Variants in EDA observed in about 807,000 individuals in gnomAD.
EDA encodes ectodysplasin A.
EDA carries 2 observed loss-of-function variants against 23.6 expected under a neutral mutation model. The ratio of observed to expected loss-of-function variants is 0.08; its 90% confidence interval spans 0.03 to 0.27. The LOEUF (loss-of-function observed/expected upper bound fraction) is 0.27. EDA is among the 10% of genes least tolerant of loss of function. The pLI is 1.00. For synonymous variants in EDA, 131 were observed against 132.0 expected (o/e 0.99, Z 0.05); for missense variants, 229 against 324.2 (o/e 0.71, Z 2.26).
At chrX:69,943,831 A>T (rs1281548404) in intron 1 of EDA, among the ~76,000 whole-genome samples, 1 of 109,760 alleles carries the variant, frequency 9.1e-6, no homozygotes, top group Non-Finnish European at 1.9e-5. Context: ...GTCAGGAAGC[A>T]TAGGAACCTA....
chrX:70,033,587 C>T (rs2020228426), intron 7 of EDA, 59 bp downstream of exon 7: 15 of 1,173,257 alleles, frequency 1.3e-5, no homozygotes, highest in Non-Finnish European at 1.7e-5. Context: ...CGGTGCAGGC[C>T]ACATAGGGGC....
intron 2 of EDA, among the ~76,000 whole-genome samples, chrX:69,969,587 C>G (rs1176354144): frequency 8.9e-6 from 1 of 111,877 alleles, no homozygotes; most frequent in Non-Finnish European, 1.9e-5. Context: ...TATACATCAT[C>G]TCCAAAACTC....
At chrX:70,029,422 G>C in intron 4 of EDA, 82 bp from the exon 5 acceptor site, 1 of 1,088,140 alleles carries the variant, frequency 9.2e-7, no homozygotes, top group Non-Finnish European at 1.3e-6. Context: ...AGGGAGCATG[G>C]CTCACCACCA....
intron 1 of EDA, among the ~76,000 whole-genome samples, chrX:69,661,007 G>T (rs998522648): frequency 2.5e-4 from 28 of 110,912 alleles, no homozygotes; most frequent in African/African-American, 8.9e-4. Flanking sequence ...TCCAGCACCT[G>T]TTGTTTCCTG....
At chrX:70,007,725 C>T (rs1400430112) in intron 2 of EDA, among the ~76,000 whole-genome samples, 2 of 111,301 alleles carry the variant, frequency 1.8e-5, no homozygotes, top group African/African-American at 3.3e-5. Context: ...TTCCTATCCA[C>T]GAACATTGAT....
intron 1 of EDA, among the ~76,000 whole-genome samples, chrX:69,675,714 C>G (rs1345803689): frequency 1.8e-5 from 2 of 111,372 alleles, no homozygotes; most frequent in Admixed American, 1.9e-4. Context: ...CTGGCCCTCA[C>G]AGAGCCAATA....
chrX:69,956,828 C>T (rs1278153227), intron 1 of EDA, among the ~76,000 whole-genome samples, 199 bp from the exon 2 acceptor site: 3 of 111,599 alleles, frequency 2.7e-5, no homozygotes, highest in African/African-American at 9.8e-5. Context: ...AGAAATTAAC[C>T]AAAATGTCAT....
rs7876811 is a variant in EDA at position 69,897,353 on chromosome X, A to G, written c.397-59674A>G. Among the ~76,000 whole-genome samples, 201 of 111,909 alleles carry G rather than the reference A, an allele frequency of 1.8e-3. 1 individual carries two copies. The highest frequency in any genetic ancestry group is 6.3e-3 in the African/African-American group (194 of 30,831). On this transcript the variant is annotated intron_variant, in intron 1 of 7. Coordinates refer to ENST00000374552, the MANE Select transcript of EDA (RefSeq NM_001399.5). Reference sequence around the variant, plus strand: ...AAAGGAAAGAAAATTCTGAATATAAATGTACCTTTCCTTTACTTGTAAATC... The same window carrying G: ...AAAGGAAAGAAAATTCTGAATATAAGTGTACCTTTCCTTTACTTGTAAATC...
At chrX:69,948,370 G>T (rs1288697549) in intron 1 of EDA, among the ~76,000 whole-genome samples, 1 of 112,311 alleles carries the variant, frequency 8.9e-6, no homozygotes, top group Non-Finnish European at 1.9e-5. Flanking sequence ...GTTGTGTTTA[G>T]ATTCCACATT....
intron 1 of EDA, chrX:69,937,809 T>G (rs772878886): frequency 1.7e-6 from 2 of 1,189,941 alleles, no homozygotes; most frequent in African/African-American, 1.8e-5. Context: ...CTTTAACAAG[T>G]CTACATTACA....
chrX:69,878,715 GACACACACACAC>G (rs61027280), intron 1 of EDA, among the ~76,000 whole-genome samples: 3 of 99,104 alleles, frequency 3.0e-5, no homozygotes, highest in Admixed American at 2.2e-4. Context: ...CCTTCACCAA[GACACACACACAC>G]ACACACACAC....
intron 1 of EDA, among the ~76,000 whole-genome samples, chrX:69,710,939 C>T (rs1411180642): frequency 8.9e-6 from 1 of 111,753 alleles, no homozygotes; most frequent in Non-Finnish European, 1.9e-5. Context: ...CATCTGCAAA[C>T]AGGGACAATT....
intron 2 of EDA, among the ~76,000 whole-genome samples, chrX:69,965,799 C>T (rs775287552): frequency 8.9e-6 from 1 of 112,462 alleles, no homozygotes; most frequent in South Asian, 3.7e-4. Flanking sequence ...GTAATCCCAG[C>T]ACTTTGGGAG....
intron 1 of EDA, among the ~76,000 whole-genome samples, chrX:69,875,257 A>T (rs770196937): frequency 2.9e-4 from 33 of 112,305 alleles, no homozygotes; most frequent in Non-Finnish European, 6.0e-4. Flanking sequence ...TCACCAAAAC[A>T]GCATGGTGCT....
chrX:69,893,805 A>G (rs767484502), intron 1 of EDA, among the ~76,000 whole-genome samples: 1 of 112,211 alleles, frequency 8.9e-6, no homozygotes, highest in Non-Finnish European at 1.9e-5. Context: ...TTGTTGTTCA[A>G]ATTCTGGCTC....
At chrX:69,687,742 T>C (rs1475246677) in intron 1 of EDA, 1 of 111,689 alleles carries the variant, frequency 9.0e-6, no homozygotes, top group Non-Finnish European at 1.9e-5. Context: ...TATTTTATTT[T>C]TATTTTGGCA....
chrX:69,871,631 A>G (rs1364028069), intron 1 of EDA, among the ~76,000 whole-genome samples: 4 of 111,942 alleles, frequency 3.6e-5, no homozygotes, highest in African/African-American at 9.8e-5. Flanking sequence ...TGACTGAAAT[A>G]TTAATCTCTT....
rs2016423239 is a variant in EDA, at chrX:69,826,082, G to T, written c.397-130945G>T. ...TGAGAGATAGTTTGTTATAATTTCT[G>T]TTCTTTTACATTTGCTGAGGAGAGC... On this transcript the variant is annotated intron_variant, in intron 1 of 7. Transcript: ENST00000374552. Among the ~76,000 whole-genome samples the T allele has an allele frequency of 3.6e-5, 4 of 110,133 alleles. No homozygotes were observed. The South Asian group carries it at 1.6e-3, about 44-fold the overall frequency.
At chrX:69,672,198 G>A (rs1933920284) in intron 1 of EDA, among the ~76,000 whole-genome samples, 1 of 111,516 alleles carries the variant, frequency 9.0e-6, no homozygotes, top group African/African-American at 3.3e-5. Flanking sequence ...AAGTTTTAGA[G>A]TTGTGGGGGG....
Sources: gnomAD v4.1 joint callset for allele counts (sites outside exome capture counted in the v4.1 genomes callset) on GRCh38, gnomAD v4.1.1 for gene constraint, MANE v1.5 for transcripts, NCBI Gene and HGNC (gene_info 2026-07-23, HGNC 2026-07-21) for gene names.